The following LHX4 variants were observed in gnomAD, a reference collection of about 807,000 sequenced individuals.
LHX4 encodes LIM/homeobox protein Lhx4.
In LHX4, 16 loss-of-function variants were observed where a neutral mutation model predicts 39.2. The observed-to-expected ratio is 0.41, with a 90% CI of 0.28 to 0.62. The LOEUF (loss-of-function observed/expected upper bound fraction) is 0.62. Among genes scored for constraint, LHX4 ranks in the 20% least tolerant of loss-of-function variants. The pLI is 0.33. For missense variants in LHX4, 439 were observed against 511.9 expected, an observed-to-expected ratio of 0.86 and a Z score of 1.37; for synonymous variants, 206 against 198.1, an observed-to-expected ratio of 1.04 and a Z score of -0.33.
intron 2 of LHX4, among the ~76,000 whole-genome samples, chr1:180,249,922 AGAGTGTGTGTGGGTGAGTGTTGTGT>A (rs1344300490): frequency 6.6e-6 from 1 of 150,890 alleles, no homozygotes; most frequent in Non-Finnish European, 1.5e-5. Context: ...AGTGTGTGTG[AGAGTGTGTGTGGGTGAGTGTTGTGT>A]GAGTGTGAGA....
intron 1 of LHX4, among the ~76,000 whole-genome samples, chr1:180,231,824 T>C (rs1375929479): frequency 6.6e-6 from 1 of 152,136 alleles, no homozygotes; most frequent in East Asian, 1.9e-4. Flanking sequence ...CGGGTTTCCA[T>C]GGCAGGGTTT....
chr1:180,241,161 C>T (rs1416101331), intron 1 of LHX4, among the ~76,000 whole-genome samples: 9 of 152,264 alleles, frequency 5.9e-5, no homozygotes, highest in South Asian at 2.1e-4. Flanking sequence ...TCCACATGTT[C>T]GGAGAGACCA....
chr1:180,257,416 T>C (rs956424777), intron 2 of LHX4, among the ~76,000 whole-genome samples: 1 of 152,190 alleles, frequency 6.6e-6, no homozygotes, highest in African/African-American at 2.4e-5. Flanking sequence ...AATGTGTGCA[T>C]GTGACATGGG....
rs555496762 is a variant in LHX4, at chr1:180,256,120, GC to G, written c.248+7665del. Among the ~76,000 whole-genome samples, 310 of 152,360 alleles carry G rather than the reference GC, an allele frequency of 2.0e-3. 1 individual carries two copies. Among genetic ancestry groups the G allele is most frequent in the Non-Finnish European group, 3.7e-3 (250 of 68,028 alleles). ...CAAAAGGCCCTCTCTGGACATTCCT[GC>G]AGCCTCTGTGCCTTCAGGCCCTTGT... On this transcript the variant is annotated intron_variant, in intron 2 of 5. Coordinates refer to ENST00000263726, the MANE Select transcript of LHX4 (RefSeq NM_033343.4).
At chr1:180,250,448 C>T (rs1032571325) in intron 2 of LHX4, among the ~76,000 whole-genome samples, 18 of 152,212 alleles carry the variant, frequency 1.2e-4, no homozygotes, top group Admixed American at 3.9e-4. Context: ...GCCTTGGGGT[C>T]GGGTGAGCTG....
intron 1 of LHX4, among the ~76,000 whole-genome samples, chr1:180,241,927 C>G (rs899335849): frequency 6.6e-6 from 1 of 152,024 alleles, no homozygotes; most frequent in Admixed American, 6.6e-5. Flanking sequence ...AAGCGATCCT[C>G]TTGCCTCAGC....
At position 180,275,949 on chromosome 1, in the gene LHX4, A is replaced by C. The variant is rs1267665783; in HGVS notation, c.*1370A>C. The C allele has an allele frequency of 6.6e-6, 1 of 152,332 alleles. No individual in the cohort carries two copies. The highest frequency in any genetic ancestry group is 1.9e-4 in the East Asian group (1 of 5,208). The allele number at this position is 152,332 out of a possible 1,614,324, so 9.4% of individuals were successfully genotyped here. ...CTTTACGAGTTGCCACTCCTGCGAC[A>C]GACTGCACTGCTGTGGGAAACGCTG... On this transcript the variant is annotated 3_prime_UTR_variant, in exon 6 of 6. Coordinates refer to ENST00000263726, the MANE Select transcript of LHX4 (RefSeq NM_033343.4).
At chr1:180,243,178 G>A (rs1303697852) in intron 1 of LHX4, among the ~76,000 whole-genome samples, 3 of 151,894 alleles carry the variant, frequency 2.0e-5, no homozygotes, top group Admixed American at 1.3e-4. Context: ...TAGTAGAGAC[G>A]GGATTTCACC....
At position 180,271,828 on chromosome 1, in the gene LHX4, G is replaced by C; in HGVS notation, c.607-7G>C. ...CCCTGAGTATGTCCCTTGTGCTTGT[G>C]TGGCAGGTTTGGTTTCAGAACAGAA... On this transcript the variant is annotated splice_region_variant and splice_polypyrimidine_tract_variant and intron_variant, in intron 4 of 5. Transcript: ENST00000263726. The C allele has an allele frequency of 6.2e-7, 1 of 1,613,926 alleles. No individual in the cohort carries two copies.
intron 2 of LHX4, among the ~76,000 whole-genome samples, chr1:180,255,379 T>C (rs902980991): frequency 1.3e-5 from 2 of 152,152 alleles, no homozygotes; most frequent in Non-Finnish European, 2.9e-5. Context: ...CACACATGCA[T>C]ACACACACGC....
Position 180,232,784 on chromosome 1 carries a change from T to C in LHX4, c.76+2179T>C, listed in dbSNP as rs142084145. Reference sequence around the variant, plus strand: ...GGGATAGGTCCCCATCACCCACATATACACAACTATTAGTTTTCTTGGGAC... The same window carrying C: ...GGGATAGGTCCCCATCACCCACATACACACAACTATTAGTTTTCTTGGGAC... On this transcript the variant is annotated intron_variant, in intron 1 of 5. Transcript: ENST00000263726. The surrounding 1 kb of genome is among the most constrained non-coding windows in gnomAD (Gnocchi z 5.4). Among the ~76,000 whole-genome samples the C allele has an allele frequency of 6.6e-6, 1 of 152,332 alleles. No individual in the cohort carries two copies. The highest frequency in any genetic ancestry group is 1.5e-5 in the Non-Finnish European group (1 of 68,030).
At chr1:180,256,559 T>C (rs942632281) in intron 2 of LHX4, among the ~76,000 whole-genome samples, 53 of 152,288 alleles carry the variant, frequency 3.5e-4, no homozygotes, top group African/African-American at 1.1e-3. Context: ...GCCCTCAGTC[T>C]TGAGGGACTT....
chr1:180,230,000 G>T (rs1467894994), upstream of LHX4, among the ~76,000 whole-genome samples: 2 of 118,350 alleles, frequency 1.7e-5, no homozygotes, highest in Non-Finnish European at 3.4e-5. Context: ...GCCCCGCCCC[G>T]CTCCCTGCCG....
At chr1:180,254,722 G>A (rs775959711) in intron 2 of LHX4, among the ~76,000 whole-genome samples, 8 of 152,208 alleles carry the variant, frequency 5.3e-5, no homozygotes, top group Non-Finnish European at 1.0e-4. Context: ...CAGGCTCAGC[G>A]TGAACTTGGG....
At chr1:180,250,476 G>A (rs1326835130) in intron 2 of LHX4, among the ~76,000 whole-genome samples, 1 of 152,190 alleles carries the variant, frequency 6.6e-6, no homozygotes, top group South Asian at 2.1e-4. Flanking sequence ...TCTGTGATGA[G>A]GTGTGTGCAG....
chr1:180,272,020 G>T lies in LHX4; in HGVS notation c.778+14G>T, dbSNP rs3806302. On this transcript the variant is annotated intron_variant, in intron 5 of 5. Transcript: ENST00000263726. ...TGAGCTTCCGAGGTGAGCAGGGCTGGAGGGGCCAGGCCGAGGCCTTAGGAA... is the reference window on the plus strand; with the variant it reads ...TGAGCTTCCGAGGTGAGCAGGGCTGTAGGGGCCAGGCCGAGGCCTTAGGAA... 138,616 of 1,608,636 alleles carry T rather than the reference G, an allele frequency of 0.086. 7,685 individuals are homozygous for T. The highest frequency in any genetic ancestry group is 0.27 in the Admixed American group (16,062 of 59,592).
chr1:180,259,597 G>T (rs1381680947), intron 2 of LHX4, among the ~76,000 whole-genome samples: 1 of 151,688 alleles, frequency 6.6e-6, no homozygotes, highest in Non-Finnish European at 1.5e-5. Context: ...GGGGGAGCGG[G>T]TGGGAGGTGC....
chr1:180,258,465 T>C (rs2149260407), intron 2 of LHX4, among the ~76,000 whole-genome samples: 1 of 152,256 alleles, frequency 6.6e-6, no homozygotes, highest in East Asian at 1.9e-4. Flanking sequence ...ACTGGAAGGT[T>C]TCAGCAGGGG....
Position 180,271,908 on chromosome 1 carries a change from TC to T in LHX4, c.681del (p.Tyr228IlefsTer29). The T allele has an allele frequency of 6.2e-7, 1 of 1,613,384 alleles. No homozygotes were observed. Among genetic ancestry groups the T allele is most frequent in the Non-Finnish European group, 8.5e-7 (1 of 1,179,922 alleles). On this transcript the variant is annotated frameshift_variant, in exon 5 of 6. Coordinates refer to ENST00000263726, the MANE Select transcript of LHX4 (RefSeq NM_033343.4). LOFTEE classifies it high-confidence loss of function. Reference sequence around the variant, plus strand: ...GCAGGGCGGCACCGCTGGGGGCAGTTCTATAAGAGCGTCAAGAGGAGCCGGG... The same window carrying T: ...GCAGGGCGGCACCGCTGGGGGCAGTTTATAAGAGCGTCAAGAGGAGCCGGG... ...KDAGRHRWGQFYKSVKRSRGS... is the reference protein window; with the variant it reads ...KDAGRHRWGQXYKSVKRSRGS...
Sources: allele counts gnomAD v4.1 joint callset (sites outside exome capture counted in the v4.1 genomes callset), GRCh38; gene constraint gnomAD v4.1.1; non-coding constraint Gnocchi (gnomAD v3.1); transcripts MANE v1.5; gene names NCBI Gene and HGNC (gene_info 2026-07-23, HGNC 2026-07-21).